The following HDAC4 variants were observed in gnomAD, a reference collection of about 807,000 sequenced individuals.
HDAC4 encodes the protein histone deacetylase A.
HDAC4 carries 16 observed loss-of-function variants against 135.1 expected under a neutral mutation model. The observed-to-expected ratio is 0.12, with a 90% confidence interval of 0.08 to 0.18. The LOEUF (loss-of-function observed/expected upper bound fraction) is 0.18. HDAC4 is among the 10% of genes least tolerant of loss of function. The pLI is 1.00. For synonymous variants in HDAC4, 685 were observed against 653.4 expected (o/e 1.05, Z -0.74); for missense variants, 1,143 against 1,511.8 (o/e 0.76, Z 4.05).
At chr2:239,212,591 T>C (rs543222490) in intron 3 of HDAC4, among the ~76,000 whole-genome samples, 1 of 152,254 alleles carries the variant, frequency 6.6e-6, no homozygotes, top group Admixed American at 6.5e-5. Flanking sequence ...CTGCCCCCCA[T>C]ACAGGGACCA....
Position 239,309,677 on chromosome 2 carries a change from G to A in HDAC4, c.22+43001C>T, listed in dbSNP as rs763948036. On this transcript the variant is annotated intron_variant, in intron 2 of 26. Coordinates refer to ENST00000543185, the MANE Select transcript of HDAC4 (RefSeq NM_001378414.1). The surrounding 1 kb of genome is among the most constrained non-coding windows in gnomAD (Gnocchi z 4.2). The stretch of plus-strand genomic sequence containing the variant: ...GAGGTCAAGTCATAGGGCCTCCACC[G>A]CAGGCAGAGCTCCGCCAGCAAGTAT... Among the ~76,000 whole-genome samples, 13 of 152,254 alleles carry A rather than the reference G, an allele frequency of 8.5e-5. No individual in the cohort carries two copies. The highest frequency in any genetic ancestry group is 2.6e-4 in the Admixed American group (4 of 15,292).
chr2:239,140,951 G>C (rs887332608), intron 8 of HDAC4: 3 of 452,626 alleles, frequency 6.6e-6, no homozygotes, highest in Non-Finnish European at 1.4e-5. Context: ...GATGAGGAGG[G>C]TGGGGGAACA....
At chr2:239,244,095 C>T (rs927483580) in intron 2 of HDAC4, among the ~76,000 whole-genome samples, 2 of 152,180 alleles carry the variant, frequency 1.3e-5, no homozygotes, top group Non-Finnish European at 2.9e-5. Context: ...GCGTGAACAC[C>T]TAAGCAAGGG....
In HDAC4 at chr2:239,352,654, A is replaced by G. The variant is rs1575737446; in HGVS notation, c.22+24T>C. Reference sequence around the variant, plus strand: ...GCAAAGAAAGCCCCGCTGTGTGCCCAGAGAAGAAATGACCCGGCCTTACCT... The same window carrying G: ...GCAAAGAAAGCCCCGCTGTGTGCCCGGAGAAGAAATGACCCGGCCTTACCT... On this transcript the variant is annotated intron_variant, in intron 2 of 26. Transcript: ENST00000543185. This position sits in a 1 kb window ranked among gnomAD's most constrained non-coding sequence, Gnocchi z 4.4. 1 of 1,553,014 alleles carries G rather than the reference A, an allele frequency of 6.4e-7. No homozygotes were observed. The highest frequency in any genetic ancestry group is 8.7e-7 in the Non-Finnish European group (1 of 1,147,140).
chr2:239,213,955 A>G (rs2046480901), intron 3 of HDAC4, among the ~76,000 whole-genome samples: 1 of 152,218 alleles, frequency 6.6e-6, no homozygotes, highest in Non-Finnish European at 1.5e-5. Context: ...AGGTAGAGAA[A>G]TCTGCCTAGG....
chr2:239,268,937 T>C (rs2049899569), intron 2 of HDAC4, among the ~76,000 whole-genome samples: 1 of 152,150 alleles, frequency 6.6e-6, no homozygotes, highest in South Asian at 2.1e-4. Flanking sequence ...GAGCTGGCTT[T>C]TAAAGAAAGA....
intron 3 of HDAC4, among the ~76,000 whole-genome samples, chr2:239,226,551 C>T (rs957036130): frequency 2.4e-4 from 36 of 152,338 alleles, no homozygotes; most frequent in South Asian, 8.3e-4. Flanking sequence ...TTCTCCACGA[C>T]GCCCCAACCA....
intron 17 of HDAC4, among the ~76,000 whole-genome samples, chr2:239,093,400 A>G (rs1253118693): frequency 6.6e-6 from 1 of 152,128 alleles, no homozygotes; most frequent in African/African-American, 2.4e-5. Flanking sequence ...ACACCCCAGG[A>G]GGCTGGCCCC....
intron 3 of HDAC4, among the ~76,000 whole-genome samples, chr2:239,232,943 C>A (rs1296093702): frequency 2.6e-5 from 4 of 150,998 alleles, no homozygotes; most frequent in Non-Finnish European, 4.4e-5. Flanking sequence ...CAAGGGTGGC[C>A]CTTCCCTCAC....
chr2:239,286,430 G>GT (rs2051139725), intron 2 of HDAC4, among the ~76,000 whole-genome samples: 1 of 152,148 alleles, frequency 6.6e-6, no homozygotes, highest in South Asian at 2.1e-4. Flanking sequence ...CCCAAATCCT[G>GT]TATTTTGTAT....
At chr2:239,235,723 T>C (rs1400594597) in intron 3 of HDAC4, among the ~76,000 whole-genome samples, 1 of 152,236 alleles carries the variant, frequency 6.6e-6, no homozygotes, top group African/African-American at 2.4e-5. Context: ...TTCCATGGCC[T>C]ATAGACTTGG....
intron 1 of HDAC4, among the ~76,000 whole-genome samples, chr2:239,375,558 C>A (rs1694946142): frequency 6.6e-6 from 1 of 152,224 alleles, no homozygotes; most frequent in Non-Finnish European, 1.5e-5. Flanking sequence ...ACAGCGTCCA[C>A]AGGATGGCAC....
rs1469977605 is a variant in HDAC4 at position 239,115,932 on chromosome 2, C to T, written c.1534-622G>A. ...AGGATCTCAGGGACACCATGACCTC[C>T]TTTCTTGCAGGATTCCATGGGTGCT... On this transcript the variant is annotated intron_variant, in intron 12 of 26. Coordinates refer to ENST00000543185, the MANE Select transcript of HDAC4 (RefSeq NM_001378414.1). This position sits in a 1 kb window ranked among gnomAD's most constrained non-coding sequence, Gnocchi z 6.3. Among the ~76,000 whole-genome samples the T allele has an allele frequency of 1.3e-5, 2 of 152,158 alleles. No individual in the cohort carries two copies. The highest frequency in any genetic ancestry group is 4.8e-5 in the African/African-American group (2 of 41,438).
chr2:239,185,523 G>A (rs1196757188), intron 4 of HDAC4, among the ~76,000 whole-genome samples: 2 of 150,276 alleles, frequency 1.3e-5, no homozygotes, highest in East Asian at 3.9e-4. Context: ...TGCACAGTGT[G>A]GGGGGTGCCC....
rs1202744034 is a variant in HDAC4 at position 239,271,710 on chromosome 2, G to T, written c.23-35046C>A. 2.0e-5 allele frequency among the ~76,000 whole-genome samples: 3 copies of T among 152,204 alleles called. No individual in the cohort carries two copies. The East Asian group carries it at 5.8e-4, about 29-fold the overall frequency. On this transcript the variant is annotated intron_variant, in intron 2 of 26. Transcript: ENST00000543185. ...TGAGAGTCCAGTTCTGGACCCCGAA[G>T]ACAGGTTGCCCTTCATCCTTCCAAG... is the stretch of plus-strand genomic sequence containing the variant.
intron 19 of HDAC4, among the ~76,000 whole-genome samples, chr2:239,086,293 T>C (rs1382850082): frequency 1.8e-5 from 2 of 111,442 alleles, no homozygotes; most frequent in Admixed American, 1.0e-4. Context: ...GTCTCTTCCC[T>C]GTACACGAAG....
intron 2 of HDAC4, among the ~76,000 whole-genome samples, chr2:239,259,015 G>A (rs891825953): frequency 6.6e-6 from 1 of 152,244 alleles, no homozygotes; most frequent in Non-Finnish European, 1.5e-5. Flanking sequence ...AAGGAAGGCT[G>A]GCATAGCAAT....
intron 2 of HDAC4, among the ~76,000 whole-genome samples, chr2:239,251,119 C>G (rs569041972): frequency 1.3e-5 from 2 of 152,360 alleles, no homozygotes; most frequent in South Asian, 4.1e-4. Context: ...ATGTCCTCAA[C>G]TTTAAACGAT....
chr2:239,393,972 C>A (rs374310220), intron 1 of HDAC4, among the ~76,000 whole-genome samples: 2 of 151,586 alleles, frequency 1.3e-5, no homozygotes, highest in African/African-American at 4.9e-5. Flanking sequence ...GACCACCCCC[C>A]CTCCACCCCC....
Sources: allele counts gnomAD v4.1 joint callset (sites outside exome capture counted in the v4.1 genomes callset), GRCh38; gene constraint gnomAD v4.1.1; non-coding constraint Gnocchi (gnomAD v3.1); transcripts MANE v1.5; gene names NCBI Gene and HGNC (gene_info 2026-07-23, HGNC 2026-07-21).